The following PCNX1 variants were observed in gnomAD, a reference collection of about 807,000 sequenced individuals.
The protein encoded by PCNX1 is pecanex 1.
Under a neutral mutation model 242.2 loss-of-function variants are expected in PCNX1, and 78 were observed. The observed-to-expected ratio is 0.32, with a 90% CI of 0.27 to 0.39. The LOEUF (loss-of-function observed/expected upper bound fraction) is 0.39. Ranked by LOEUF, PCNX1 falls within the 10% of genes least tolerant of loss-of-function variation. The probability of loss-of-function intolerance (pLI) is 1.00; values close to 1 mark genes in which losing one functional copy is unlikely to be tolerated. For missense variants in PCNX1, 2,581 were observed against 2,856.5 expected (o/e 0.90, Z 2.20); for synonymous variants, 1,024 against 1,032.9 (o/e 0.99, Z 0.17).
rs760882116 is a variant in PCNX1 at position 70,946,906 on chromosome 14, C to G, written c.154-9C>G. 13 of 1,559,188 alleles carry G rather than the reference C, an allele frequency of 8.3e-6. No individual in the cohort carries two copies. In the East Asian group the frequency reaches 2.9e-4, roughly 35 times the overall value. On this transcript the variant is annotated splice_polypyrimidine_tract_variant and intron_variant, in intron 1 of 35. Transcript: ENST00000304743. The stretch of plus-strand genomic sequence containing the variant: ...TAAAATGTATTTCCTTATTTTCTTT[C>G]TCTTAAAGGCCCTTCCTTCTACCAT...
At chr14:70,914,844 G>A (rs943978047) in intron 1 of PCNX1, among the ~76,000 whole-genome samples, 11 of 152,136 alleles carry the variant, frequency 7.2e-5, no homozygotes, top group African/African-American at 2.7e-4. Flanking sequence ...TGAACCATTC[G>A]ATGAGTTTTG....
At chr14:71,010,708 A>G (rs1230480214) in intron 9 of PCNX1, among the ~76,000 whole-genome samples, 2 of 152,034 alleles carry the variant, frequency 1.3e-5, no homozygotes, top group Admixed American at 6.5e-5. Context: ...TTTCCCCTCA[A>G]GAGTTACTGA....
At chr14:71,076,000 ATAT>A (rs1040854896) in intron 27 of PCNX1, among the ~76,000 whole-genome samples, 186 bp from the exon 28 acceptor site, 1 of 152,046 alleles carries the variant, frequency 6.6e-6, no homozygotes, top group African/African-American at 2.4e-5. Context: ...GGCCTGAGGT[ATAT>A]TATTATAGTA....
At chr14:71,036,890 T>C (rs1012994245) in intron 19 of PCNX1, among the ~76,000 whole-genome samples, 3 of 152,156 alleles carry the variant, frequency 2.0e-5, no homozygotes, top group African/African-American at 7.2e-5. Flanking sequence ...GTATGGCCAT[T>C]TTCACGATAT....
rs750419435 is a variant in PCNX1, at chr14:70,962,340, C to G, written c.468+9C>G. 1 of 1,547,996 alleles carries G rather than the reference C, an allele frequency of 6.5e-7. No individual in the cohort carries two copies. ...TAGATCCAAGCAACCAGGTAGGAAC[C>G]TGCGCTGTTTTATTTTGCCTTTTTC... On this transcript the variant is annotated intron_variant, in intron 3 of 35. Transcript: ENST00000304743.
At chr14:70,958,699 A>G (rs2058082138) in intron 2 of PCNX1, among the ~76,000 whole-genome samples, 1 of 152,008 alleles carries the variant, frequency 6.6e-6, no homozygotes, top group Non-Finnish European at 1.5e-5. Context: ...TCCCACCAAT[A>G]AGACACTCCT....
intron 14 of PCNX1, 33 bp from the exon 15 acceptor site, chr14:71,026,739 T>G: frequency 1.0e-6 from 1 of 987,274 alleles, no homozygotes; most frequent in East Asian, 2.5e-5. Flanking sequence ...TACAGTATAA[T>G]ATTTTAAAAT....
rs781741596 is a variant in PCNX1 at position 71,026,101 on chromosome 14, A to G, written c.3184-16A>G. On this transcript the variant is annotated splice_polypyrimidine_tract_variant and intron_variant, in intron 13 of 35. Coordinates refer to ENST00000304743, the MANE Select transcript of PCNX1 (RefSeq NM_014982.3). Reference sequence around the variant, plus strand: ...TAAAATTAACCAAACTGACTTTTAAAAAATATCATTTTCAGGGTCATAATC... The same window carrying G: ...TAAAATTAACCAAACTGACTTTTAAGAAATATCATTTTCAGGGTCATAATC... 2 of 1,510,824 alleles carry G rather than the reference A, an allele frequency of 1.3e-6. No homozygotes were observed. Among genetic ancestry groups the G allele is most frequent in the South Asian group, 2.6e-5 (2 of 75,592 alleles). The allele number at this position is 1,510,824 out of a possible 1,614,324, so 93.6% of individuals were successfully genotyped here.
intron 26 of PCNX1, among the ~76,000 whole-genome samples, chr14:71,058,486 A>T (rs181238719): frequency 6.6e-6 from 1 of 152,380 alleles, no homozygotes; most frequent in Admixed American, 6.5e-5. Flanking sequence ...CTGTTACTGA[A>T]TATCTTTCCA....
rs533350927 is a variant in PCNX1, at chr14:71,079,013, C to T, written c.5337+2594C>T. 1.2e-4 allele frequency among the ~76,000 whole-genome samples: 18 copies of T among 152,254 alleles called. No homozygotes were observed. The East Asian group carries it at 1.4e-3, about 11-fold the overall frequency. On this transcript the variant is annotated intron_variant, in intron 28 of 35. Coordinates refer to ENST00000304743, the MANE Select transcript of PCNX1 (RefSeq NM_014982.3). ...ATGCCTCCCATAGCCCCCTACACCC[C>T]GACAGGCCCCGGTGTGTGATGTTCC...
chr14:70,992,262 A>G (rs1237953679), intron 7 of PCNX1, among the ~76,000 whole-genome samples: 1 of 152,144 alleles, frequency 6.6e-6, no homozygotes, highest in Non-Finnish European at 1.5e-5. Context: ...TCATCAGTGC[A>G]TTTCAGGGAA....
intron 27 of PCNX1, among the ~76,000 whole-genome samples, chr14:71,074,990 C>CTTTTT (rs900279128): frequency 4.4e-4 from 44 of 101,100 alleles, no homozygotes; most frequent in East Asian, 5.7e-4. Context: ...CTTTTCTTCT[C>CTTTTT]TTTTTTTTTT....
chr14:71,009,097 A>G (rs572630307), intron 8 of PCNX1, among the ~76,000 whole-genome samples: 18 of 152,348 alleles, frequency 1.2e-4, no homozygotes, highest in Non-Finnish European at 2.4e-4. Flanking sequence ...CATACAACAA[A>G]TAATGTTCAT....
chr14:71,083,232 G>A (rs1166370710), intron 28 of PCNX1, among the ~76,000 whole-genome samples: 3 of 152,218 alleles, frequency 2.0e-5, no homozygotes, highest in African/African-American at 7.2e-5. Context: ...CTGTTAGTCT[G>A]ATGGGCTTCC....
At chr14:71,067,224 T>C (rs1595422117) in intron 26 of PCNX1, among the ~76,000 whole-genome samples, 2 of 152,314 alleles carry the variant, frequency 1.3e-5, no homozygotes, top group East Asian at 3.9e-4. Flanking sequence ...AGAATTCGGC[T>C]GTGAATCTGT....
chr14:70,919,461 T>C (rs987335245), intron 1 of PCNX1, among the ~76,000 whole-genome samples: 14 of 152,162 alleles, frequency 9.2e-5, no homozygotes, highest in African/African-American at 3.1e-4. Context: ...TTCCTGTGTC[T>C]CTTAGGAAAG....
Position 71,036,098 on chromosome 14 carries a change from A to G in PCNX1, c.3808A>G (p.Ile1270Val), listed in dbSNP as rs1737764893. ...ERLQSDLVVC[I>V]VIGVLYFAIH... ...ATTACAGTCTGACCTGGTAGTATGC[A>G]TTGTAATTGGTGTGCTGTATTTTGC... The change falls in exon 19 of 36, where the codon ATT (isoleucine) becomes GTT (valine). Residue 1270 changes from isoleucine (I) to valine (V), a missense_variant. By Grantham distance (29) the Ile-to-Val change is conservative. This residue lies in a region of PCNX1 where 432 missense variants were observed against 443.1 expected (regional missense o/e 0.97). Transcript: ENST00000304743. The G allele has an allele frequency of 1.2e-6, 2 of 1,609,060 alleles. No individual in the cohort carries two copies. The highest frequency in any genetic ancestry group is 4.5e-5 in the East Asian group (2 of 44,850).
At chr14:70,998,035 A>C (rs1258504623) in intron 8 of PCNX1, among the ~76,000 whole-genome samples, 3 of 152,200 alleles carry the variant, frequency 2.0e-5, no homozygotes, top group Non-Finnish European at 2.9e-5. Context: ...GTATATGCAT[A>C]TGCATAATTT....
intron 30 of PCNX1, among the ~76,000 whole-genome samples, chr14:71,090,831 A>C (rs1266233235): frequency 6.6e-6 from 1 of 152,194 alleles, no homozygotes; most frequent in Non-Finnish European, 1.5e-5. Context: ...CCGAGATGAA[A>C]CTGAGCACAG....
Sources: gnomAD v4.1 joint callset for allele counts (sites outside exome capture counted in the v4.1 genomes callset) on GRCh38, gnomAD v4.1.1 for gene constraint, gnomAD v4.1.1 regional missense constraint, MANE v1.5 for transcripts, NCBI Gene and HGNC (gene_info 2026-07-23, HGNC 2026-07-21) for gene names.